ANKRD46: variants seen among roughly 807,000 people sequenced by gnomAD.
ANKRD46 encodes ankyrin repeat domain 46, also known as ankyrin repeat domain-containing protein 46.
A neutral mutation model predicts 19.8 loss-of-function variants in ANKRD46; 13 were observed. The observed-to-expected ratio is 0.66, with a 90% CI of 0.43 to 1.04. The LOEUF is 1.04. Ranked by LOEUF, ANKRD46 falls within the 50% of genes least tolerant of loss-of-function variation. The pLI is 0.00. For synonymous variants in ANKRD46, 91 were observed against 106.9 expected (o/e 0.85, Z 0.92); for missense variants, 185 against 274.8 (o/e 0.67, Z 2.31).
At chr8:100,513,724 A>T (rs751621205) in intron 5 of ANKRD46, among the ~76,000 whole-genome samples, 1 of 152,222 alleles carries the variant, frequency 6.6e-6, no homozygotes, top group African/African-American at 2.4e-5. Context: ...GAATTACCCA[A>T]ACTTAAGTTA....
chr8:100,548,825 T>G (rs527401779), intron 1 of ANKRD46, among the ~76,000 whole-genome samples: 1 of 152,312 alleles, frequency 6.6e-6, no homozygotes, highest in East Asian at 1.9e-4. Flanking sequence ...TGATATTACA[T>G]TTAAAAAGAA....
rs542272156 is a variant in ANKRD46 at position 100,546,065 on chromosome 8, C to T, written c.-130-12754G>A. On this transcript the variant is annotated intron_variant, in intron 1 of 4. Transcript: ENST00000335659. This position sits in a 1 kb window ranked among gnomAD's most constrained non-coding sequence, Gnocchi z 4.0. ...TGCAATTGGAACTTCTGTTTAAAAG[C>T]GAAGCAGAGCATAAAAGTTTGGAAA... Among the ~76,000 whole-genome samples, 28 of 152,290 alleles carry T rather than the reference C, an allele frequency of 1.8e-4. No homozygotes were observed. The South Asian group carries it at 3.9e-3, about 21-fold the overall frequency.
chr8:100,529,633 G>T lies in ANKRD46; in HGVS notation c.201C>A (p.Phe67Leu). 1 of 1,614,212 alleles carries T rather than the reference G, an allele frequency of 6.2e-7. No homozygotes were observed. The highest frequency in any genetic ancestry group is 8.5e-7 in the Non-Finnish European group (1 of 1,180,036). ...NVDICQLLHK[F>L]GADLLATDYQ... ...AATCTGTGGCCAGAAGATCGGCACC[G>T]AATTTATGCAGTAACTGGCAGATGT... The change falls in exon 3 of 5, where the codon TTC (phenylalanine) becomes TTA (leucine). Residue 67 changes from phenylalanine to leucine, a missense_variant. Transcript: ENST00000335659. The surrounding 1 kb of genome is among the most constrained non-coding windows in gnomAD (Gnocchi z 5.8).
In ANKRD46 at chr8:100,545,202, G is replaced by C. The variant is rs1260499783; in HGVS notation, c.-130-11891C>G. 6.6e-6 allele frequency among the ~76,000 whole-genome samples: 1 copy of C among 152,150 alleles called. No individual in the cohort carries two copies. Among genetic ancestry groups the C allele is most frequent in the Admixed American group, 6.5e-5 (1 of 15,274 alleles). On this transcript the variant is annotated intron_variant, in intron 1 of 4. Coordinates refer to ENST00000335659, the MANE Select transcript of ANKRD46 (RefSeq NM_001270377.2). The surrounding 1 kb of genome is among the most constrained non-coding windows in gnomAD (Gnocchi z 4.7). ...AAGTTAGGTGTGGTGACGTGCACCT[G>C]TAGTCCCAGCTACTCGGGAGGCTGA...
Position 100,534,192 on chromosome 8 carries a change from C to T in ANKRD46, c.-130-881G>A, listed in dbSNP as rs1236583714. On this transcript the variant is annotated intron_variant, in intron 1 of 4. Coordinates refer to ENST00000335659, the MANE Select transcript of ANKRD46 (RefSeq NM_001270377.2). The surrounding 1 kb of genome is among the most constrained non-coding windows in gnomAD (Gnocchi z 4.2). ...ATCCTTGTTCATTGTTATCAAATCC[C>T]TGTGAACAAATTTATATAGGGAAAT... 1.3e-5 allele frequency among the ~76,000 whole-genome samples: 2 copies of T among 152,212 alleles called. No homozygotes were observed. The highest frequency in any genetic ancestry group is 2.9e-5 in the Non-Finnish European group (2 of 68,036).
chr8:100,515,609 C>T (rs953776897), intron 5 of ANKRD46, among the ~76,000 whole-genome samples: 13 of 146,628 alleles, frequency 8.9e-5, no homozygotes, highest in Admixed American at 7.8e-4. Flanking sequence ...AGGTATTTCA[C>T]ACCAGACTCT....
intron 1 of ANKRD46, among the ~76,000 whole-genome samples, chr8:100,547,878 T>C (rs960814731): frequency 7.0e-4 from 107 of 152,364 alleles, no homozygotes; most frequent in African/African-American, 2.5e-3. Flanking sequence ...ATTTTATACA[T>C]GAAGTTTTCC....
chr8:100,520,812 A>T lies in ANKRD46; in HGVS notation c.*1743T>A. 1.0e-6 allele frequency: 1 copy of T among 984,246 alleles called. No homozygotes were observed. Among genetic ancestry groups the T allele is most frequent in the South Asian group, 4.7e-5 (1 of 21,256 alleles). 61.0% of individuals were successfully genotyped at this position (984,246 alleles called of 1,614,324 possible). A position where few individuals can be genotyped will look rare whatever the true frequency, so the allele number is the denominator to read the frequency against. On this transcript the variant is annotated 3_prime_UTR_variant, in exon 5 of 5. Transcript: ENST00000335659. ...ATACATTTATTGGTGGTATTCCTGA[A>T]TGATGAATGCAGAGAACAGAATACA...
At chr8:100,515,759 T>C (rs546217159) in intron 5 of ANKRD46, among the ~76,000 whole-genome samples, 4 of 152,074 alleles carry the variant, frequency 2.6e-5, no homozygotes, top group Non-Finnish European at 5.9e-5. Context: ...TCTGCTCCTT[T>C]CCTAAGAATG....
At chr8:100,556,178 G>A (rs770535204) in intron 1 of ANKRD46, among the ~76,000 whole-genome samples, 7 of 152,006 alleles carry the variant, frequency 4.6e-5, no homozygotes, top group African/African-American at 9.7e-5. Context: ...GTGCTAGCAC[G>A]CCCAACTAAT....
rs933628811 is a variant in ANKRD46 at position 100,525,604 on chromosome 8, T to C, written c.470+2241A>G. ...GTATAATATAATAATATTAGTAATATTCCATTGGATGAACAGATGATGTTT... is the reference window on the plus strand; with the variant it reads ...GTATAATATAATAATATTAGTAATACTCCATTGGATGAACAGATGATGTTT... On this transcript the variant is annotated intron_variant, in intron 4 of 4. Transcript: ENST00000335659. The surrounding 1 kb of genome is among the most constrained non-coding windows in gnomAD (Gnocchi z 4.4). Among the ~76,000 whole-genome samples, 2 of 152,224 alleles carry C rather than the reference T, an allele frequency of 1.3e-5. No individual in the cohort carries two copies. Among genetic ancestry groups the C allele is most frequent in the Admixed American group, 6.5e-5 (1 of 15,290 alleles).
In ANKRD46 at chr8:100,525,200, G is replaced by C. The variant is rs1451421558; in HGVS notation, c.471-2429C>G. Among the ~76,000 whole-genome samples, 1 of 152,090 alleles carries C rather than the reference G, an allele frequency of 6.6e-6. No individual in the cohort carries two copies. The highest frequency in any genetic ancestry group is 6.5e-5 in the Admixed American group (1 of 15,268). ...CTAGAAAAAGCCATTACACAATTAT[G>C]CCATAATGCCATGTGCTAGCCAATC... On this transcript the variant is annotated intron_variant, in intron 4 of 4. Transcript: ENST00000335659. This position sits in a 1 kb window ranked among gnomAD's most constrained non-coding sequence, Gnocchi z 4.4.
At chr8:100,517,840 A>G (rs1811658740), downstream of ANKRD46, among the ~76,000 whole-genome samples, 1 of 152,208 alleles carries the variant, frequency 6.6e-6, no homozygotes, top group East Asian at 1.9e-4. Context: ...TAACTTTGGG[A>G]AAAGCTACTT....
At chr8:100,538,534 G>A (rs1056513883) in intron 1 of ANKRD46, among the ~76,000 whole-genome samples, 2 of 152,172 alleles carry the variant, frequency 1.3e-5, no homozygotes, top group African/African-American at 4.8e-5. Context: ...GAGCATCTGT[G>A]AATTCTGGTA....
At chr8:100,513,620 C>T (rs1002907450) in intron 5 of ANKRD46, among the ~76,000 whole-genome samples, 16 of 152,146 alleles carry the variant, frequency 1.1e-4, no homozygotes, top group African/African-American at 3.4e-4. Context: ...CCTAAAATAA[C>T]AAATAAATTT....
intron 1 of ANKRD46, among the ~76,000 whole-genome samples, chr8:100,553,472 G>C (rs1194220127): frequency 1.3e-5 from 2 of 152,170 alleles, no homozygotes; most frequent in Admixed American, 1.3e-4. Flanking sequence ...ACTTACGCAG[G>C]CTGGGTGTGG....
chr8:100,552,123 C>T (rs1812404535), intron 1 of ANKRD46, among the ~76,000 whole-genome samples: 1 of 145,084 alleles, frequency 6.9e-6, no homozygotes, highest in South Asian at 2.2e-4. Context: ...GCACTCCAGC[C>T]TGGGTGACAG....
At chr8:100,533,392 ACTGAGCCTGAAGAAATTCTCTAGAAAAT>A (rs1812002720) in intron 1 of ANKRD46, 81 bp from the exon 2 acceptor site, 1 of 152,238 alleles carries the variant, frequency 6.6e-6, no homozygotes, top group Non-Finnish European at 1.5e-5. Context: ...CAGACAGGTT[ACTGAGCCTGAAGAAATTCTCTAGAAAAT>A]CTGTAGGTGA....
At position 100,545,706 on chromosome 8, in the gene ANKRD46, G is replaced by A. The variant is rs569100082; in HGVS notation, c.-130-12395C>T. The stretch of plus-strand genomic sequence containing the variant: ...AGGCAAAGGTTGGAACAGTTTGGGG[G>A]GCTCAGAAGATATGGGAAAGTCTGG... On this transcript the variant is annotated intron_variant, in intron 1 of 4. Transcript: ENST00000335659. This position sits in a 1 kb window ranked among gnomAD's most constrained non-coding sequence, Gnocchi z 4.7. 6.6e-6 allele frequency among the ~76,000 whole-genome samples: 1 copy of A among 152,240 alleles called. No individual in the cohort carries two copies. Among genetic ancestry groups the A allele is most frequent in the Non-Finnish European group, 1.5e-5 (1 of 68,006 alleles).
Sources: gnomAD v4.1 joint callset for allele counts (sites outside exome capture counted in the v4.1 genomes callset) on GRCh38, gnomAD v4.1.1 for gene constraint, Gnocchi (gnomAD v3.1) non-coding constraint, MANE v1.5 for transcripts, NCBI Gene and HGNC (gene_info 2026-07-23, HGNC 2026-07-21) for gene names.